The following PPM1G variants were observed in gnomAD, a reference collection of about 807,000 sequenced individuals.
The protein encoded by PPM1G is protein phosphatase 1G.
PPM1G carries 12 observed loss-of-function variants against 59.4 expected under a neutral mutation model. That is an observed-to-expected ratio of 0.20 (90% CI 0.13 to 0.33). The LOEUF is 0.33. Ranked by LOEUF, PPM1G falls within the 10% of genes least tolerant of loss-of-function variation. The probability of loss-of-function intolerance (pLI) is 1.00; values close to 1 mark genes in which losing one functional copy is unlikely to be tolerated. For missense variants in PPM1G, 392 were observed against 681.3 expected (o/e 0.58, Z 4.73); for synonymous variants, 245 against 251.9 (o/e 0.97, Z 0.26).
At chr2:27,395,001 G>A (rs1179282109) in intron 1 of PPM1G, among the ~76,000 whole-genome samples, 5 of 151,828 alleles carry the variant, frequency 3.3e-5, no homozygotes, top group East Asian at 1.9e-4. Context: ...AGGCCAAGGC[G>A]GGTGGATCAC....
chr2:27,398,213 G>A (rs963452590), intron 1 of PPM1G, among the ~76,000 whole-genome samples: 3 of 152,130 alleles, frequency 2.0e-5, no homozygotes, highest in African/African-American at 7.2e-5. Flanking sequence ...CACATTTACG[G>A]TCAATTTATC....
chr2:27,397,735 G>A (rs74340299), intron 1 of PPM1G, among the ~76,000 whole-genome samples: 4,893 of 152,152 alleles, frequency 0.032, 133 homozygotes, highest in Non-Finnish European at 0.051. Flanking sequence ...CCAGTATGGT[G>A]GTGCATGCAT....
At chr2:27,389,202 A>G (rs2148420540) in intron 1 of PPM1G, among the ~76,000 whole-genome samples, 1 of 152,314 alleles carries the variant, frequency 6.6e-6, no homozygotes, top group South Asian at 2.1e-4. Flanking sequence ...CAAAACACAT[A>G]AAAGCCCTTT....
chr2:27,393,139 G>A (rs899792173), intron 1 of PPM1G: 39 of 1,381,584 alleles, frequency 2.8e-5, no homozygotes, highest in Non-Finnish European at 3.7e-5. Flanking sequence ...CGGCCACCTC[G>A]TTGGTTCTAC....
intron 1 of PPM1G, chr2:27,393,002 T>A: frequency 2.0e-6 from 3 of 1,520,502 alleles, no homozygotes; most frequent in Admixed American, 1.7e-5. Context: ...AGTGACTGAT[T>A]CACATTTTTT....
At chr2:27,390,049 T>TG (rs1431062935) in intron 1 of PPM1G, among the ~76,000 whole-genome samples, 1 of 149,216 alleles carries the variant, frequency 6.7e-6, no homozygotes, top group African/African-American at 2.5e-5. Context: ...TTTTTTGAGA[T>TG]GGAGTCTCCC....
At chr2:27,408,756 C>A (rs1663438659) in intron 1 of PPM1G, among the ~76,000 whole-genome samples, 1 of 152,124 alleles carries the variant, frequency 6.6e-6, no homozygotes, top group Non-Finnish European at 1.5e-5. Flanking sequence ...GAGGTCGGGT[C>A]CAGCCTCTGA....
chr2:27,384,695 T>C lies in PPM1G; in HGVS notation c.803A>G (p.Glu268Gly). The C allele has an allele frequency of 1.2e-6, 2 of 1,610,274 alleles. No individual in the cohort carries two copies. Among genetic ancestry groups the C allele is most frequent in the Non-Finnish European group, 1.7e-6 (2 of 1,176,726 alleles). ...TACCTCACTGTCTTCCTCTTCTTCCTCCGCCTCATCTGACTCATCCTCACT... is the reference window on the plus strand; with the variant it reads ...TACCTCACTGTCTTCCTCTTCTTCCCCCGCCTCATCTGACTCATCCTCACT... ...EDSEDESDEAEEEEEDSEECS... is the reference protein window; with the variant it reads ...EDSEDESDEAGEEEEDSEECS... The change falls in exon 5 of 10, where the codon GAG becomes GGG. Residue 268 changes from glutamate to glycine, a missense_variant. Glu to Gly is a moderately conservative substitution (Grantham distance 98). Transcript: ENST00000344034. This position sits in a 1 kb window ranked among gnomAD's most constrained non-coding sequence, Gnocchi z 4.8.
At position 27,385,096 on chromosome 2, in the gene PPM1G, G is replaced by C; in HGVS notation, c.410-8C>G. On this transcript the variant is annotated splice_polypyrimidine_tract_variant and splice_region_variant and intron_variant, in intron 4 of 9. Coordinates refer to ENST00000344034, the MANE Select transcript of PPM1G (RefSeq NM_177983.3). This position sits in a 1 kb window ranked among gnomAD's most constrained non-coding sequence, Gnocchi z 4.1. ...CAGCCTCCTCATTGTCCACTGCAGG[G>C]AAGAGGCTAAATCAGAGCCCCCATG... 2 of 1,584,134 alleles carry C rather than the reference G, an allele frequency of 1.3e-6. No individual in the cohort carries two copies. Among genetic ancestry groups the C allele is most frequent in the Non-Finnish European group, 1.7e-6 (2 of 1,167,326 alleles).
At chr2:27,395,318 G>A (rs1460577731) in intron 1 of PPM1G, among the ~76,000 whole-genome samples, 1 of 151,818 alleles carries the variant, frequency 6.6e-6, no homozygotes, top group Non-Finnish European at 1.5e-5. Flanking sequence ...GATCACTTGA[G>A]GTCAGGAGTT....
At position 27,384,600 on chromosome 2, in the gene PPM1G, T is replaced by C. The variant is rs1346146202; in HGVS notation, c.825+73A>G. On this transcript the variant is annotated intron_variant, in intron 5 of 9. Transcript: ENST00000344034. The surrounding 1 kb of genome is among the most constrained non-coding windows in gnomAD (Gnocchi z 4.8). ...TCAAAATAGGAGAAGGAAAGAGAGT[T>C]GAAAACTACAGACGGCAACCAAACA... 1 of 1,499,630 alleles carries C rather than the reference T, an allele frequency of 6.7e-7. No homozygotes were observed. Among genetic ancestry groups the C allele is most frequent in the Non-Finnish European group, 8.9e-7 (1 of 1,118,324 alleles). 92.9% of individuals were successfully genotyped at this position (1,499,630 alleles called of 1,614,324 possible).
In PPM1G at chr2:27,389,955, G is replaced by T. The variant is rs192658885; in HGVS notation, c.121-2797C>A. On this transcript the variant is annotated intron_variant, in intron 1 of 9. Coordinates refer to ENST00000344034, the MANE Select transcript of PPM1G (RefSeq NM_177983.3). ...TGCACTCCAGCCTGGGTGACAGAGG[G>T]AGACCCCATCTCTAAAACAAAACAA... 1.1e-4 allele frequency among the ~76,000 whole-genome samples: 17 copies of T among 152,228 alleles called. No homozygotes were observed. In the East Asian group the frequency reaches 3.3e-3, roughly 29 times the overall value.
intron 1 of PPM1G, among the ~76,000 whole-genome samples, chr2:27,389,013 T>C (rs1683834691): frequency 6.6e-6 from 1 of 152,064 alleles, no homozygotes; most frequent in Non-Finnish European, 1.5e-5. Context: ...ATAAACCACA[T>C]TGTTCCATTC....
intron 1 of PPM1G, chr2:27,393,097 A>G (rs1302630604): frequency 7.9e-7 from 1 of 1,273,560 alleles, no homozygotes; most frequent in Non-Finnish European, 1.1e-6. Flanking sequence ...CTCCCCGCAC[A>G]GTCTGGTTTC....
intron 1 of PPM1G, chr2:27,393,289 G>A (rs1683962712): frequency 6.3e-7 from 1 of 1,597,602 alleles, no homozygotes; most frequent in African/African-American, 1.3e-5. Flanking sequence ...TAGAGCTCCA[G>A]GTTGATCTGG....
intron 1 of PPM1G, among the ~76,000 whole-genome samples, chr2:27,391,821 T>C (rs1376755550): frequency 1.3e-5 from 2 of 151,208 alleles, no homozygotes; most frequent in Non-Finnish European, 2.9e-5. Context: ...AACCTCTGCC[T>C]CTCGGGTTCA....
At chr2:27,386,827 C>T (rs1040041656) in intron 2 of PPM1G, 2 of 281,866 alleles carry the variant, frequency 7.1e-6, no homozygotes, top group South Asian at 5.4e-5. Flanking sequence ...TGACCTACCG[C>T]GTGCCCAGCC....
intron 1 of PPM1G, among the ~76,000 whole-genome samples, chr2:27,396,819 CA>C (rs771980529): frequency 1.4e-3 from 171 of 125,220 alleles, no homozygotes; most frequent in Non-Finnish European, 1.4e-3. Flanking sequence ...CCGTCTCCAA[CA>C]AAAAAAAAAA....
intron 1 of PPM1G, among the ~76,000 whole-genome samples, chr2:27,407,012 C>CTGGA (rs1472558240): frequency 6.7e-6 from 1 of 148,748 alleles, no homozygotes; most frequent in East Asian, 2.0e-4. Flanking sequence ...GTCGCCCAGG[C>CTGGA]TGGAGTACAG....
Sources: allele counts gnomAD v4.1 joint callset (sites outside exome capture counted in the v4.1 genomes callset), GRCh38; gene constraint gnomAD v4.1.1; non-coding constraint Gnocchi (gnomAD v3.1); transcripts MANE v1.5; gene names NCBI Gene and HGNC (gene_info 2026-07-23, HGNC 2026-07-21).